MYO5B: variants seen among roughly 807,000 people sequenced by gnomAD.
MYO5B encodes the protein unconventional myosin-Vb.
MYO5B carries 143 observed loss-of-function variants against 229.3 expected under a neutral mutation model. The observed-to-expected ratio is 0.62, with a 90% CI of 0.54 to 0.72. MYO5B has a LOEUF of 0.72. Ranked by LOEUF, MYO5B falls within the 30% of genes least tolerant of loss-of-function variation. The pLI, the probability that MYO5B is intolerant of heterozygous loss-of-function variation, is 0.00. For missense variants in MYO5B, 2,321 were observed against 2,331.0 expected (o/e 1.00, Z 0.09); for synonymous variants, 918 against 885.2 (o/e 1.04, Z -0.66).
intron 20 of MYO5B, among the ~76,000 whole-genome samples, chr18:49,904,023 G>A (rs908159196): frequency 1.3e-5 from 2 of 152,262 alleles, no homozygotes; most frequent in Non-Finnish European, 2.9e-5. Flanking sequence ...TGGCCCTGCT[G>A]TTGGCTGGCC....
intron 32 of MYO5B, 113 bp from the exon 33 acceptor site, chr18:49,847,402 T>C (rs2024143698): frequency 1.5e-6 from 2 of 1,355,974 alleles, no homozygotes; most frequent in Non-Finnish European, 2.0e-6. Flanking sequence ...AAGGGGCATC[T>C]CTGGCAGGTG....
intron 10 of MYO5B, among the ~76,000 whole-genome samples, chr18:49,963,927 G>C (rs2025592187): frequency 6.6e-6 from 1 of 152,114 alleles, no homozygotes; most frequent in African/African-American, 2.4e-5. Flanking sequence ...AGCCCCAGAG[G>C]GGTGTGTTCC....
chr18:50,021,897 C>T lies in MYO5B; in HGVS notation c.455+14953G>A, dbSNP rs139206304. Among the ~76,000 whole-genome samples, 41 of 152,220 alleles carry T rather than the reference C, an allele frequency of 2.7e-4. No homozygotes were observed. In the East Asian group the frequency reaches 6.8e-3, roughly 25 times the overall value. The stretch of plus-strand genomic sequence containing the variant: ...ATCTGGGAAGTTCTCTCCTCCCTAA[C>T]AATCTCTCCTTGATTGACATCATCC... On this transcript the variant is annotated intron_variant, in intron 4 of 39. Coordinates refer to ENST00000285039, the MANE Select transcript of MYO5B (RefSeq NM_001080467.3).
chr18:50,098,269 T>A (rs1222782454), intron 1 of MYO5B, among the ~76,000 whole-genome samples: 1 of 152,158 alleles, frequency 6.6e-6, no homozygotes, highest in Non-Finnish European at 1.5e-5. Context: ...AAAATCAGGT[T>A]TTTTTTTATC....
In MYO5B at chr18:50,091,107, G is replaced by A. The variant is rs542567890; in HGVS notation, c.28-35729C>T. 1.6e-4 allele frequency among the ~76,000 whole-genome samples: 25 copies of A among 152,280 alleles called. 1 individual carries two copies. In the South Asian group the frequency reaches 5.0e-3, roughly 30 times the overall value. ...TAGTGGAGGCCCCACCTGAAGACAG[G>A]GAAGGGCAACAGCCCCACCTGTGCA... On this transcript the variant is annotated intron_variant, in intron 1 of 39. Coordinates refer to ENST00000285039, the MANE Select transcript of MYO5B (RefSeq NM_001080467.3).
At position 49,895,066 on chromosome 18, in the gene MYO5B, C is replaced by T. The variant is rs750032213; in HGVS notation, c.2920G>A (p.Gly974Ser). 2 of 1,614,164 alleles carry T rather than the reference C, an allele frequency of 1.2e-6. No individual in the cohort carries two copies. The highest frequency in any genetic ancestry group is 1.7e-5 in the Admixed American group (1 of 60,034). ...KELVHYQQSP[G>S]EDTSLRLQEE... ...TGCAGCCTGAGGCTGGTGTCCTCAC[C>T]TGGGCTCTGCTGGTAGTGCACCAGC... Residue 974 changes from glycine to serine, a missense_variant, in exon 22 of 40, where the codon GGT becomes AGT. This residue lies in a region of MYO5B where 2,113 missense variants were observed against 2,044.7 expected (regional missense o/e 1.03). Transcript: ENST00000285039.
intron 17 of MYO5B, among the ~76,000 whole-genome samples, chr18:49,928,718 C>T (rs1367107029): frequency 6.6e-6 from 1 of 152,152 alleles, no homozygotes; most frequent in Non-Finnish European, 1.5e-5. Flanking sequence ...AATATGGAAC[C>T]AGCCCACACG....
At position 49,929,442 on chromosome 18, in the gene MYO5B, C is replaced by T. The variant is rs573650596; in HGVS notation, c.2090+70G>A. On this transcript the variant is annotated intron_variant, in intron 17 of 39. Coordinates refer to ENST00000285039, the MANE Select transcript of MYO5B (RefSeq NM_001080467.3). The stretch of plus-strand genomic sequence containing the variant: ...TTTCTGGCCGACGGTACACAGAGGG[C>T]TCCCTGGGGAACCAAACTCTGGCTG... The T allele has an allele frequency of 3.1e-6, 4 of 1,287,420 alleles. No homozygotes were observed. In the Admixed American group the frequency reaches 8.0e-5, roughly 26 times the overall value. The allele number at this position is 1,287,420 out of a possible 1,614,324, so 79.7% of individuals were successfully genotyped here. A position where few individuals can be genotyped will look rare whatever the true frequency, so the allele number is the denominator to read the frequency against.
chr18:49,914,722 G>A (rs1446288759), intron 17 of MYO5B, among the ~76,000 whole-genome samples: 1 of 149,114 alleles, frequency 6.7e-6, no homozygotes, highest in African/African-American at 2.5e-5. Context: ...GGAGGCTGCA[G>A]TGAGCCGAGA....
At position 50,112,714 on chromosome 18, in the gene MYO5B, A is replaced by G. The variant is rs150867582; in HGVS notation, c.28-57336T>C. Among the ~76,000 whole-genome samples the G allele has an allele frequency of 8.0e-4, 122 of 152,370 alleles. No individual in the cohort carries two copies. The East Asian group carries it at 9.6e-3, about 12-fold the overall frequency. ...GAAGGTTTCTAAGCTGGTACACAGT[A>G]GCAGCTCAGTAACTGATGAATTATA... On this transcript the variant is annotated intron_variant, in intron 1 of 39. Transcript: ENST00000285039.
In MYO5B at chr18:49,996,262, C is replaced by T. The variant is rs573398757; in HGVS notation, c.613-3831G>A. The stretch of plus-strand genomic sequence containing the variant: ...TGGAACAACCATTCTGAAGGAAAAT[C>T]GGGTATATCTAGTAAAACTGAACAT... On this transcript the variant is annotated intron_variant, in intron 5 of 39. Transcript: ENST00000285039. 4.6e-5 allele frequency among the ~76,000 whole-genome samples: 7 copies of T among 152,266 alleles called. No homozygotes were observed. In the East Asian group the frequency reaches 7.7e-4, roughly 17 times the overall value.
At chr18:49,948,270 T>C (rs1618783) in intron 14 of MYO5B, among the ~76,000 whole-genome samples, 35,339 of 62,760 alleles carry the variant, frequency 0.56, 5,852 homozygotes, top group African/African-American at 0.65. Flanking sequence ...GTAAACATAA[T>C]AAACACATTT....
intron 1 of MYO5B, among the ~76,000 whole-genome samples, chr18:50,085,005 C>T (rs1296874060): frequency 6.6e-6 from 1 of 152,120 alleles, no homozygotes; most frequent in East Asian, 1.9e-4. Flanking sequence ...TAGGCACGGG[C>T]AAGGACTTCA....
At chr18:49,915,029 C>G (rs2024997466) in intron 17 of MYO5B, among the ~76,000 whole-genome samples, 1 of 152,082 alleles carries the variant, frequency 6.6e-6, no homozygotes. Flanking sequence ...CCTCATTGCT[C>G]CTTTGCAAAC....
chr18:50,030,462 C>G lies in MYO5B; in HGVS notation c.455+6388G>C, dbSNP rs2001370. Among the ~76,000 whole-genome samples the G allele has an allele frequency of 5.5e-3, 836 of 152,236 alleles. 5 individuals carry two copies. The highest frequency in any genetic ancestry group is 0.019 in the African/African-American group (787 of 41,520). On this transcript the variant is annotated intron_variant, in intron 4 of 39. Coordinates refer to ENST00000285039, the MANE Select transcript of MYO5B (RefSeq NM_001080467.3). ...AAGAGGGACACTTTTGGCTTTTTCA[C>G]GATGGACACTCATTTCCATACTGCT...
intron 35 of MYO5B, among the ~76,000 whole-genome samples, chr18:49,840,837 T>A (rs1448812063): frequency 6.6e-6 from 1 of 152,198 alleles, no homozygotes; most frequent in African/African-American, 2.4e-5. Flanking sequence ...GGGCCTCAGG[T>A]CAAGGAATCC....
chr18:49,968,963 G>A (rs564147767), intron 10 of MYO5B, among the ~76,000 whole-genome samples: 2 of 152,228 alleles, frequency 1.3e-5, no homozygotes, highest in African/African-American at 2.4e-5. Context: ...CACTCCAAAG[G>A]GCCACCTCAG....
At chr18:49,940,359 G>T (rs1175238054) in intron 14 of MYO5B, among the ~76,000 whole-genome samples, 2 of 152,106 alleles carry the variant, frequency 1.3e-5, no homozygotes, top group African/African-American at 4.8e-5. Flanking sequence ...AGATGGTGCT[G>T]GTGGCATACT....
intron 1 of MYO5B, among the ~76,000 whole-genome samples, chr18:50,110,461 G>A (rs190676058): frequency 6.6e-6 from 1 of 152,246 alleles, no homozygotes; most frequent in East Asian, 1.9e-4. Context: ...AGAAGAAAGT[G>A]GGGTACTTGG....
Sources: gnomAD v4.1 joint callset for allele counts (sites outside exome capture counted in the v4.1 genomes callset) on GRCh38, gnomAD v4.1.1 for gene constraint, gnomAD v4.1.1 regional missense constraint, MANE v1.5 for transcripts, NCBI Gene and HGNC (gene_info 2026-07-23, HGNC 2026-07-21) for gene names.